EIF2AK4: variants seen among roughly 807,000 people sequenced by gnomAD.
EIF2AK4 encodes the protein eIF-2-alpha kinase GCN2.
Under a neutral mutation model 211.1 loss-of-function variants are expected in EIF2AK4, and 139 were observed. That is an observed-to-expected ratio of 0.66 (90% CI 0.57 to 0.76). EIF2AK4 has a LOEUF of 0.76. Among genes scored for constraint, EIF2AK4 ranks in the 30% least tolerant of loss-of-function variants. EIF2AK4 has a pLI of 0.00. For missense variants in EIF2AK4, 1,664 were observed against 2,043.8 expected, an observed-to-expected ratio of 0.81 and a Z score of 3.58; for synonymous variants, 710 against 751.3, an observed-to-expected ratio of 0.94 and a Z score of 0.90.
chr15:40,009,750 T>C lies in EIF2AK4; in HGVS notation c.3693+20T>C, dbSNP rs771194646. ...GCTGTGGTAAGCATTTAATTACTTA[T>C]GATGTTGAAAGATAATACCTTGATG... On this transcript the variant is annotated intron_variant, in intron 26 of 38. Transcript: ENST00000263791. The C allele has an allele frequency of 4.8e-6, 7 of 1,445,858 alleles. No individual in the cohort carries two copies. In the East Asian group the frequency reaches 9.2e-5, roughly 19 times the overall value. The allele number at this position is 1,445,858 out of a possible 1,614,324, so 89.6% of individuals were successfully genotyped here.
intron 6 of EIF2AK4, among the ~76,000 whole-genome samples, chr15:39,960,542 C>T (rs749165794): frequency 2.6e-5 from 4 of 151,952 alleles, no homozygotes; most frequent in South Asian, 4.2e-4. Context: ...GTTTTATTGA[C>T]GTTGCAATGG....
At position 39,976,396 on chromosome 15, in the gene EIF2AK4, C is replaced by A. The variant is rs1566991388; in HGVS notation, c.1819-18C>A. Reference sequence around the variant, plus strand: ...TGCAAGGCTCCGAGCGGCTGACCTTCCCCTGGCTGTGCCGCAGGTGCAGAA... The same window carrying A: ...TGCAAGGCTCCGAGCGGCTGACCTTACCCTGGCTGTGCCGCAGGTGCAGAA... On this transcript the variant is annotated intron_variant, in intron 11 of 38. Coordinates refer to ENST00000263791, the MANE Select transcript of EIF2AK4 (RefSeq NM_001013703.4). 1.3e-6 allele frequency: 2 copies of A among 1,575,430 alleles called. No homozygotes were observed. The highest frequency in any genetic ancestry group is 2.4e-5 in the South Asian group (2 of 84,292).
intron 29 of EIF2AK4, among the ~76,000 whole-genome samples, chr15:40,018,626 A>C (rs951258096): frequency 6.6e-6 from 1 of 152,120 alleles, no homozygotes; most frequent in African/African-American, 2.4e-5. Flanking sequence ...CTGACCTGTA[A>C]TTTTAAATTA....
intron 6 of EIF2AK4, among the ~76,000 whole-genome samples, chr15:39,960,670 T>C (rs1566986473): frequency 6.6e-6 from 1 of 151,900 alleles, no homozygotes; most frequent in Non-Finnish European, 1.5e-5. Context: ...CAGAGAGATT[T>C]ATAGGCTGGT....
At chr15:39,962,460 A>T (rs1158641184) in intron 7 of EIF2AK4, among the ~76,000 whole-genome samples, 1 of 152,160 alleles carries the variant, frequency 6.6e-6, no homozygotes, top group African/African-American at 2.4e-5. Context: ...AATGCCTATG[A>T]TCTTTTTTGT....
intron 12 of EIF2AK4, chr15:39,977,060 A>G (rs910034282): frequency 2.8e-5 from 13 of 466,214 alleles, no homozygotes; most frequent in African/African-American, 1.4e-4. Flanking sequence ...ATGCCCCCCA[A>G]CATTAATCCC....
intron 8 of EIF2AK4, 23 bp from the exon 9 acceptor site, chr15:39,967,318 CTTT>C (rs33911018): frequency 1.6e-4 from 221 of 1,377,152 alleles, no homozygotes; most frequent in South Asian, 7.6e-4. Context: ...GCCCAATATT[CTTT>C]TTTTTTTTTT....
rs1047058357 is a variant in EIF2AK4 at position 39,955,746 on chromosome 15, G to T, written c.721G>T (p.Ala241Ser). 1.9e-6 allele frequency: 3 copies of T among 1,611,140 alleles called. No homozygotes were observed. The highest frequency in any genetic ancestry group is 2.5e-6 in the Non-Finnish European group (3 of 1,179,128). ...CTTTGTAGGAAATGGTAAACATCGG[G>T]CAAACTCCTCAGGAAGGTCTAGGTA... ...PDFVGNGKHR[A>S]NSSGRSRRER... The change falls in exon 6 of 39, where the codon GCA becomes TCA. Residue 241 changes from alanine to serine, a missense_variant. Around this residue, in one of 7 missense-constraint regions of EIF2AK4, gnomAD observed 641 missense variants for 729.6 expected, o/e 0.88. Coordinates refer to ENST00000263791, the MANE Select transcript of EIF2AK4 (RefSeq NM_001013703.4).
At chr15:39,959,549 C>CA (rs2034438414) in intron 6 of EIF2AK4, among the ~76,000 whole-genome samples, 1 of 152,174 alleles carries the variant, frequency 6.6e-6, no homozygotes, top group Non-Finnish European at 1.5e-5. Context: ...CATCAACACT[C>CA]ATTGTGTTTG....
At chr15:39,994,999 G>T (rs1295390789) in intron 18 of EIF2AK4, among the ~76,000 whole-genome samples, 1 of 152,028 alleles carries the variant, frequency 6.6e-6, no homozygotes, top group Non-Finnish European at 1.5e-5. Flanking sequence ...CTGCCACCAT[G>T]CCTGGCTAAT....
At position 40,003,179 on chromosome 15, in the gene EIF2AK4, C is replaced by T. The variant is rs1459452600; in HGVS notation, c.3236-14C>T. On this transcript the variant is annotated splice_polypyrimidine_tract_variant and intron_variant, in intron 22 of 38. Coordinates refer to ENST00000263791, the MANE Select transcript of EIF2AK4 (RefSeq NM_001013703.4). ...TGAACCTGATGATGAGCTATTTTTT[C>T]TCATTTGGTGTAGGAGCTGTTCAGT... 2.5e-6 allele frequency: 4 copies of T among 1,609,216 alleles called. No individual in the cohort carries two copies. Among genetic ancestry groups the T allele is most frequent in the Admixed American group, 1.7e-5 (1 of 58,484 alleles).
chr15:40,021,392 G>T (rs1356763430), intron 31 of EIF2AK4, among the ~76,000 whole-genome samples: 1 of 152,150 alleles, frequency 6.6e-6, no homozygotes, highest in African/African-American at 2.4e-5. Context: ...CAGCAATGAA[G>T]CGCCTCCTTC....
intron 27 of EIF2AK4, 80 bp from the exon 28 acceptor site, chr15:40,016,422 C>T: frequency 6.6e-7 from 1 of 1,512,562 alleles, no homozygotes; most frequent in Non-Finnish European, 9.1e-7. Flanking sequence ...GCTCCTGCTC[C>T]TGCAGGTGCA....
intron 37 of EIF2AK4, among the ~76,000 whole-genome samples, chr15:40,033,165 C>A (rs1022976729): frequency 7.9e-5 from 12 of 152,152 alleles, no homozygotes; most frequent in Admixed American, 5.9e-4. Flanking sequence ...GTTATTATCC[C>A]TTTACAGAGT....
chr15:39,971,525 C>T (rs927289405), intron 9 of EIF2AK4, among the ~76,000 whole-genome samples: 2 of 151,876 alleles, frequency 1.3e-5, no homozygotes. Flanking sequence ...AGCAAGACTT[C>T]GTCTCATAAT....
Position 40,034,462 on chromosome 15 carries a change from C to A in EIF2AK4, c.4892+18C>A. 6.3e-7 allele frequency: 1 copy of A among 1,584,518 alleles called. No individual in the cohort carries two copies. Among genetic ancestry groups the A allele is most frequent in the African/African-American group, 1.3e-5 (1 of 74,378 alleles). On this transcript the variant is annotated intron_variant, in intron 38 of 38. Transcript: ENST00000263791. Reference sequence around the variant, plus strand: ...GAAAAAAAGTAAGTTATCACTTGGGCATAGCAGGGTTCACATGGTTAAAAT... The same window carrying A: ...GAAAAAAAGTAAGTTATCACTTGGGAATAGCAGGGTTCACATGGTTAAAAT...
chr15:40,019,622 C>T (rs1468018991), intron 30 of EIF2AK4, among the ~76,000 whole-genome samples: 2 of 152,164 alleles, frequency 1.3e-5, no homozygotes, highest in South Asian at 4.1e-4. Flanking sequence ...ACTGCACGCT[C>T]CTTAGGAGAA....
At chr15:39,990,478 C>A in intron 16 of EIF2AK4, 101 bp downstream of exon 16, 1 of 974,762 alleles carries the variant, frequency 1.0e-6, no homozygotes, top group Non-Finnish European at 1.6e-6. Flanking sequence ...CAGAACTATG[C>A]CGTCTAATCC....
chr15:39,951,738 A>G lies in EIF2AK4; in HGVS notation c.514-2166A>G, dbSNP rs2034319216. The G allele has an allele frequency of 6.2e-5, 11 of 178,408 alleles. No homozygotes were observed. The South Asian group carries it at 9.9e-4, about 16-fold the overall frequency. The allele number at this position is 178,408 out of a possible 1,614,324, so 11.1% of individuals were successfully genotyped here. On this transcript the variant is annotated intron_variant, in intron 4 of 38. Coordinates refer to ENST00000263791, the MANE Select transcript of EIF2AK4 (RefSeq NM_001013703.4). ...AGCCAGTGGCTTCAACCCAGGAGGC[A>G]GAGGTTGCAGTGAGCCAAGAGCTTT...
Sources: allele counts gnomAD v4.1 joint callset (sites outside exome capture counted in the v4.1 genomes callset), GRCh38; gene constraint gnomAD v4.1.1; regional missense constraint gnomAD v4.1.1; transcripts MANE v1.5; gene names NCBI Gene and HGNC (gene_info 2026-07-23, HGNC 2026-07-21).